Variants in PTK2 observed in about 807,000 individuals in gnomAD.
PTK2 encodes focal adhesion kinase 1.
PTK2 carries 45 observed loss-of-function variants against 150.1 expected under a neutral mutation model. The ratio of observed to expected loss-of-function variants is 0.30; its 90% confidence interval spans 0.24 to 0.38. PTK2 has a LOEUF of 0.38. Among genes scored for constraint, PTK2 ranks in the 10% least tolerant of loss-of-function variants. The probability of loss-of-function intolerance (pLI) is 1.00; values close to 1 mark genes in which losing one functional copy is unlikely to be tolerated. For synonymous variants in PTK2, 432 were observed against 449.2 expected, an observed-to-expected ratio of 0.96 and a Z score of 0.48; for missense variants, 919 against 1,307.3, an observed-to-expected ratio of 0.70 and a Z score of 4.58.
chr8:140,770,830 A>G, intron 14 of PTK2, 31 bp from the exon 15 acceptor site: 1 of 1,089,704 alleles, frequency 9.2e-7, no homozygotes, highest in Non-Finnish European at 1.2e-6. Context: ...GGAAAGAGAA[A>G]AATAGAAACA....
At chr8:140,846,047 A>C (rs1180165178) in intron 7 of PTK2, among the ~76,000 whole-genome samples, 3 of 152,224 alleles carry the variant, frequency 2.0e-5, no homozygotes, top group Non-Finnish European at 2.9e-5. Flanking sequence ...AGTGTATGTT[A>C]ATGGGCCATA....
chr8:140,924,456 TA>T (rs1272558539), intron 2 of PTK2, among the ~76,000 whole-genome samples: 1 of 152,178 alleles, frequency 6.6e-6, no homozygotes, highest in African/African-American at 2.4e-5. Flanking sequence ...GTTCTGTACA[TA>T]TTGTCTCCAG....
intron 2 of PTK2, among the ~76,000 whole-genome samples, chr8:140,918,515 C>G (rs1003241945): frequency 1.3e-5 from 2 of 152,046 alleles, no homozygotes; most frequent in Non-Finnish European, 2.9e-5. Context: ...GTAGTTGAAC[C>G]CATGTTAAAA....
At chr8:140,838,139 G>C (rs10106635) in intron 7 of PTK2, among the ~76,000 whole-genome samples, 3,692 of 152,198 alleles carry the variant, frequency 0.024, 156 homozygotes, top group African/African-American at 0.085. Context: ...TAAAATTCCT[G>C]CCGGAATCTA....
At chr8:140,804,222 C>T (rs1043841365) in intron 10 of PTK2, among the ~76,000 whole-genome samples, 4 of 102,862 alleles carry the variant, frequency 3.9e-5, no homozygotes, top group Non-Finnish European at 7.2e-5. Context: ...TAAACTTTGG[C>T]TTCTTCTTTT....
chr8:140,988,178 A>G (rs372603193), intron 1 of PTK2, among the ~76,000 whole-genome samples: 2 of 152,236 alleles, frequency 1.3e-5, no homozygotes, highest in African/African-American at 4.8e-5. Context: ...TCAGAGATCT[A>G]TAATAATCCA....
At chr8:141,001,358 G>C (rs2100200209), upstream of PTK2, 1 of 149,386 alleles carries the variant, frequency 6.7e-6, no homozygotes, top group Non-Finnish European at 1.5e-5. Context: ...GCGCACGCCC[G>C]ACCCGGTCTC....
intron 8 of PTK2, among the ~76,000 whole-genome samples, chr8:140,826,670 C>T (rs964265128): frequency 1.3e-5 from 2 of 152,144 alleles, no homozygotes; most frequent in Non-Finnish European, 1.5e-5. Context: ...AATCCCAGCA[C>T]TTTGGGAGGC....
At chr8:140,818,296 A>C (rs1321512976) in exon 10 of PTK2, 1 of 1,613,906 alleles carries the variant, frequency 6.2e-7, no homozygotes, top group Non-Finnish European at 8.5e-7. Context: ...CTTGTCCGTT[A>C]GGTAACTGAT....
At chr8:140,865,186 C>T (rs1488489559) in intron 4 of PTK2, among the ~76,000 whole-genome samples, 1 of 152,130 alleles carries the variant, frequency 6.6e-6, no homozygotes, top group Non-Finnish European at 1.5e-5. Context: ...CTTTCACATG[C>T]TTTTTGGTCA....
At chr8:140,678,562 C>G (rs567520113) in intron 27 of PTK2, among the ~76,000 whole-genome samples, 19 of 152,252 alleles carry the variant, frequency 1.2e-4, no homozygotes, top group African/African-American at 4.1e-4. Flanking sequence ...CCATATTACC[C>G]AGGCTGGTTT....
intron 16 of PTK2, among the ~76,000 whole-genome samples, chr8:140,759,545 A>AAG (rs1554920011): frequency 3.3e-5 from 5 of 149,674 alleles, no homozygotes; most frequent in African/African-American, 1.2e-4. Flanking sequence ...AAAAAAAAAA[A>AAG]AAAAAAAAAG....
chr8:140,720,151 C>T (rs182345000), intron 22 of PTK2, among the ~76,000 whole-genome samples: 1 of 151,944 alleles, frequency 6.6e-6, no homozygotes, highest in Non-Finnish European at 1.5e-5. Context: ...GGAAATGTAA[C>T]GAGCATTACA....
At chr8:140,960,471 G>A (rs1467367690) in intron 1 of PTK2, among the ~76,000 whole-genome samples, 1 of 151,968 alleles carries the variant, frequency 6.6e-6, no homozygotes, top group African/African-American at 2.4e-5. Context: ...CGGCCTCCCA[G>A]TGTTGGGATT....
At chr8:140,721,868 C>T (rs2100043072) in intron 22 of PTK2, 1 of 152,206 alleles carries the variant, frequency 6.6e-6, no homozygotes, top group Non-Finnish European at 1.5e-5. Flanking sequence ...CATTACTCTC[C>T]TTATTCTCTT....
At chr8:140,865,121 G>C (rs377162882) in intron 4 of PTK2, among the ~76,000 whole-genome samples, 1 of 152,220 alleles carries the variant, frequency 6.6e-6, no homozygotes, top group African/African-American at 2.4e-5. Flanking sequence ...GGCATACTGT[G>C]ATAGTGCATG....
intron 2 of PTK2, 84 bp downstream of exon 2, chr8:140,925,570 GACAGACA>G (rs1319478651): frequency 4.0e-6 from 3 of 755,618 alleles, no homozygotes; most frequent in Non-Finnish European, 4.8e-6. Flanking sequence ...ACCTTCCAAA[GACAGACA>G]ACAGGAAATA....
intron 2 of PTK2, among the ~76,000 whole-genome samples, chr8:140,901,365 G>T (rs1325180926): frequency 1.3e-5 from 2 of 152,016 alleles, no homozygotes; most frequent in Non-Finnish European, 2.9e-5. Context: ...ATCTCGACAA[G>T]GATTTTTCAA....
intron 1 of PTK2, among the ~76,000 whole-genome samples, chr8:140,945,303 G>A (rs1025212723): frequency 7.9e-5 from 12 of 152,206 alleles, no homozygotes; most frequent in Non-Finnish European, 4.4e-5. Context: ...TTACCATCAA[G>A]GCTGGACACT....
Sources: allele counts gnomAD v4.1 joint callset (sites outside exome capture counted in the v4.1 genomes callset), GRCh38; gene constraint gnomAD v4.1.1; transcripts MANE v1.5; gene names NCBI Gene and HGNC (gene_info 2026-07-23, HGNC 2026-07-21).